Variants in MDGA2 observed in about 807,000 individuals in gnomAD.
MDGA2 encodes the protein MAM domain containing glycosylphosphatidylinositol anchor 2, also known as MAM domain-containing glycosylphosphatidylinositol anchor protein 2.
MDGA2 carries 40 observed loss-of-function variants against 117.8 expected under a neutral mutation model. The observed-to-expected ratio is 0.34, with a 90% CI of 0.26 to 0.44. The LOEUF is 0.44. Ranked by LOEUF, MDGA2 falls within the 20% of genes least tolerant of loss-of-function variation. The pLI is 1.00. For missense variants in MDGA2, 1,123 were observed against 1,250.6 expected (o/e 0.90, Z 1.54); for synonymous variants, 452 against 439.0 (o/e 1.03, Z -0.37).
intron 3 of MDGA2, among the ~76,000 whole-genome samples, chr14:47,148,712 T>C: frequency 6.6e-6 from 1 of 152,316 alleles, no homozygotes; most frequent in Admixed American, 6.5e-5. Context: ...ATACATTTGC[T>C]ATGGTGTTTC....
chr14:47,169,124 G>A (rs1343423524), intron 3 of MDGA2, among the ~76,000 whole-genome samples: 1 of 151,886 alleles, frequency 6.6e-6, no homozygotes, highest in Admixed American at 6.6e-5. Context: ...AATGGGCATG[G>A]TAAGGTGACA....
chr14:47,657,300 C>G (rs1382466851), intron 1 of MDGA2, among the ~76,000 whole-genome samples: 1 of 152,114 alleles, frequency 6.6e-6, no homozygotes, highest in Non-Finnish European at 1.5e-5. Flanking sequence ...CAATTGGAAT[C>G]AGAATACAGA....
intron 1 of MDGA2, among the ~76,000 whole-genome samples, chr14:47,638,216 A>ATC (rs1197692213): frequency 6.6e-6 from 1 of 152,220 alleles, no homozygotes; most frequent in Non-Finnish European, 1.5e-5. Context: ...ACATATAAAT[A>ATC]TAAAACCCAT....
At chr14:47,053,495 C>T (rs1889529875) in intron 7 of MDGA2, among the ~76,000 whole-genome samples, 1 of 150,988 alleles carries the variant, frequency 6.6e-6, no homozygotes. Flanking sequence ...CGAGGCATAA[C>T]AGTTTGGGAT....
chr14:47,263,704 C>A (rs972881726), intron 2 of MDGA2, among the ~76,000 whole-genome samples: 1 of 152,144 alleles, frequency 6.6e-6, no homozygotes, highest in African/African-American at 2.4e-5. Flanking sequence ...AAAAGCATCA[C>A]ATTTGCTTGC....
At chr14:47,172,324 C>G (rs1054724143) in intron 3 of MDGA2, among the ~76,000 whole-genome samples, 109 of 152,212 alleles carry the variant, frequency 7.2e-4, no homozygotes, top group East Asian at 5.8e-4. Context: ...CTGGAGATCT[C>G]AGAACCGGCA....
At chr14:46,925,071 T>C (rs751654603) in intron 9 of MDGA2, among the ~76,000 whole-genome samples, 61 of 152,162 alleles carry the variant, frequency 4.0e-4, no homozygotes, top group Admixed American at 2.8e-3. Context: ...CATTTGACTC[T>C]CACCAGTATA....
intron 1 of MDGA2, among the ~76,000 whole-genome samples, chr14:47,405,974 T>A (rs1195055363): frequency 1.3e-5 from 2 of 152,126 alleles, no homozygotes; most frequent in African/African-American, 4.8e-5. Context: ...TTCAATCATT[T>A]TCAGTATAAC....
Position 47,088,775 on chromosome 14 carries a change from C to T in MDGA2, c.1195+8079G>A, listed in dbSNP as rs368554006. On this transcript the variant is annotated intron_variant, in intron 6 of 16. Coordinates refer to ENST00000399232, the MANE Select transcript of MDGA2 (RefSeq NM_001113498.3). ...TTTTAGTTATGGGGATATTTTGTAT[C>T]TTTGTCTTTAGTGATTCCCACTGAT... 1.1e-4 allele frequency among the ~76,000 whole-genome samples: 16 copies of T among 152,212 alleles called. No individual in the cohort carries two copies. The East Asian group carries it at 2.3e-3, about 22-fold the overall frequency.
intron 1 of MDGA2, among the ~76,000 whole-genome samples, chr14:47,522,534 T>G (rs936862024): frequency 2.0e-5 from 3 of 152,070 alleles, no homozygotes; most frequent in Admixed American, 6.6e-5. Context: ...ACTGTAAAGT[T>G]AGAACAATCC....
chr14:47,103,913 C>T (rs10145799), intron 5 of MDGA2, among the ~76,000 whole-genome samples: 79,034 of 151,964 alleles, frequency 0.52, 20,967 homozygotes, highest in African/African-American at 0.64. Flanking sequence ...GGCCCTGTGA[C>T]AGTAAGCTGT....
chr14:47,312,284 C>A (rs1316771687), intron 1 of MDGA2, among the ~76,000 whole-genome samples: 4 of 152,034 alleles, frequency 2.6e-5, no homozygotes, highest in Non-Finnish European at 5.9e-5. Context: ...TTCCCAGGAA[C>A]CTTCTTATAT....
intron 12 of MDGA2, among the ~76,000 whole-genome samples, chr14:46,874,773 G>A (rs1882156171): frequency 6.6e-6 from 1 of 151,658 alleles, no homozygotes; most frequent in Non-Finnish European, 1.5e-5. Flanking sequence ...TTGAACTTCA[G>A]TATGGAAATG....
At chr14:47,200,632 C>T in intron 3 of MDGA2, 25 of 1,277,488 alleles carry the variant, frequency 2.0e-5, no homozygotes, top group Non-Finnish European at 2.7e-5. Flanking sequence ...TTTTCTTCTC[C>T]ACGTTCTTCT....
intron 14 of MDGA2, chr14:46,873,197 C>G (rs1882085394): frequency 2.5e-6 from 1 of 398,490 alleles, no homozygotes; most frequent in African/African-American, 2.1e-5. Flanking sequence ...GATTGTCTAC[C>G]TGATTTAGGA....
At chr14:47,273,537 T>C (rs533618781) in intron 2 of MDGA2, among the ~76,000 whole-genome samples, 1 of 152,292 alleles carries the variant, frequency 6.6e-6, no homozygotes, top group East Asian at 1.9e-4. Context: ...TGATTTTTCC[T>C]TCATAAAATC....
intron 5 of MDGA2, among the ~76,000 whole-genome samples, chr14:47,103,716 T>C (rs900356395): frequency 6.6e-6 from 1 of 152,234 alleles, no homozygotes; most frequent in Non-Finnish European, 1.5e-5. Flanking sequence ...TAGGAAGAGA[T>C]GCGATTCATA....
chr14:47,597,366 T>C (rs1344221965), intron 1 of MDGA2, among the ~76,000 whole-genome samples: 1 of 152,160 alleles, frequency 6.6e-6, no homozygotes, highest in African/African-American at 2.4e-5. Context: ...TGAAGTCAAT[T>C]GGGAAAAATA....
chr14:46,953,028 C>G (rs1885423958), intron 9 of MDGA2, among the ~76,000 whole-genome samples: 1 of 151,672 alleles, frequency 6.6e-6, no homozygotes, highest in Admixed American at 6.6e-5. Context: ...TGCAGTATCC[C>G]AGAAGAGAAT....
Sources: allele counts gnomAD v4.1 joint callset (sites outside exome capture counted in the v4.1 genomes callset), GRCh38; gene constraint gnomAD v4.1.1; transcripts MANE v1.5; gene names NCBI Gene and HGNC (gene_info 2026-07-23, HGNC 2026-07-21).